The following REN variants were observed in gnomAD, a reference collection of about 807,000 sequenced individuals.
REN encodes the protein renin.
In REN, 42 loss-of-function variants were observed where a neutral mutation model predicts 48.6. The observed-to-expected ratio is 0.86, with a 90% CI of 0.68 to 1.12. The LOEUF (loss-of-function observed/expected upper bound fraction) is 1.12, where lower values mean the gene tolerates loss of function less well. Ranked by LOEUF, REN falls within the 50% of genes most tolerant of loss-of-function variation. The pLI is 0.00. For missense variants in REN, 443 were observed against 527.3 expected (o/e 0.84, Z 1.57); for synonymous variants, 196 against 204.6 (o/e 0.96, Z 0.36).
intron 4 of REN, among the ~76,000 whole-genome samples, chr1:204,160,049 G>A (rs910971847): frequency 9.2e-5 from 14 of 152,166 alleles, no homozygotes; most frequent in African/African-American, 2.7e-4. Flanking sequence ...CAGGTGCCAC[G>A]TGTGCCCCTC....
chr1:204,155,208 C>T (rs756763001), intron 9 of REN, 31 bp from the exon 10 acceptor site: 17 of 1,612,890 alleles, frequency 1.1e-5, no homozygotes, highest in Non-Finnish European at 1.4e-5. Flanking sequence ...TTCTCCATAC[C>T]CAGCACATGA....
chr1:204,165,580 C>T (rs1658328877), intron 1 of REN, among the ~76,000 whole-genome samples: 1 of 150,580 alleles, frequency 6.6e-6, no homozygotes. Flanking sequence ...TTAACTGTAC[C>T]CATGCCCCGA....
intron 1 of REN, among the ~76,000 whole-genome samples, chr1:204,165,942 T>C (rs1413215791): frequency 2.0e-5 from 3 of 152,150 alleles, no homozygotes; most frequent in Non-Finnish European, 2.9e-5. Flanking sequence ...AAGGGGCATG[T>C]CCTAATACTT....
intron 1 of REN, among the ~76,000 whole-genome samples, chr1:204,165,394 G>A (rs11240688): frequency 0.2 from 29,912 of 152,128 alleles, 3,181 homozygotes; most frequent in East Asian, 0.44. Flanking sequence ...CATCAAGTAG[G>A]TACTGTTATT....
Position 204,161,300 on chromosome 1 carries a change from G to C in REN, c.365C>G (p.Thr122Ser). Residue 122 changes from threonine to serine, a missense_variant, in exon 3 of 10, where the codon ACT (threonine) becomes AGT (serine). Coordinates refer to ENST00000272190, the MANE Select transcript of REN (RefSeq NM_000537.4). ...VPSSKCSRLYTACVYHKLFDA... is the reference protein window; with the variant it reads ...VPSSKCSRLYSACVYHKLFDA... ...TGGGTCTTAGGTCTCACCACAGGCA[G>C]TGTAGAGACGGCTGCACTTGGAGGA... The C allele has an allele frequency of 6.2e-7, 1 of 1,606,320 alleles. No individual in the cohort carries two copies. Among genetic ancestry groups the C allele is most frequent in the Non-Finnish European group, 8.5e-7 (1 of 1,176,354 alleles).
chr1:204,160,805 GC>G, intron 3 of REN, 127 bp from the exon 4 acceptor site: 1 of 783,110 alleles, frequency 1.3e-6, no homozygotes, highest in Non-Finnish European at 2.3e-6. Context: ...GGGTCAGGGG[GC>G]TTGGAATATG....
intron 1 of REN, among the ~76,000 whole-genome samples, 165 bp from the exon 2 acceptor site, chr1:204,162,328 G>A (rs1456963316): frequency 6.6e-6 from 1 of 152,214 alleles, no homozygotes; most frequent in Non-Finnish European, 1.5e-5. Flanking sequence ...ATTTATAAGA[G>A]TTACTTCTTG....
At position 204,161,344 on chromosome 1, in the gene REN, C is replaced by T. The variant is rs371626384; in HGVS notation, c.321G>A (p.Ser107=). The T allele has an allele frequency of 6.3e-5, 102 of 1,608,754 alleles. No individual in the cohort carries two copies. In the Middle Eastern group the frequency reaches 6.6e-4, roughly 10 times the overall value. The change falls in exon 3 of 10, where the codon TCG becomes TCA. Residue 107 remains serine (S), a synonymous_variant. Transcript: ENST00000272190. ...QTFKVVFDTG[S]SNVWVPSSKC... ...TGGAGGAGGGCACCCAAACATTGGA[C>T]GAACCAGTGTCAAAGACGACTTTGA...
intron 1 of REN, among the ~76,000 whole-genome samples, chr1:204,163,483 G>GC (rs1442661277): frequency 2.0e-5 from 3 of 152,178 alleles, no homozygotes; most frequent in Non-Finnish European, 4.4e-5. Context: ...CAGAGGTTTG[G>GC]CCCCAAAGAG....
chr1:204,165,587 C>T (rs1023594313), intron 1 of REN, among the ~76,000 whole-genome samples: 13 of 149,518 alleles, frequency 8.7e-5, no homozygotes, highest in Admixed American at 7.3e-4. Flanking sequence ...TACCCATGCC[C>T]CGACCCCCGT....
At position 204,160,801 on chromosome 1, in the gene REN, G is replaced by A. The variant is rs926525782; in HGVS notation, c.374-123C>T. 62 of 789,486 alleles carry A rather than the reference G, an allele frequency of 7.9e-5. No individual in the cohort carries two copies. In the African/African-American group the frequency reaches 9.9e-4, roughly 13 times the overall value. The allele number at this position is 789,486 out of a possible 1,614,324, so 48.9% of individuals were successfully genotyped here. A position where few individuals can be genotyped will look rare whatever the true frequency, so the allele number is the denominator to read the frequency against. On this transcript the variant is annotated intron_variant, in intron 3 of 9. Transcript: ENST00000272190. The stretch of plus-strand genomic sequence containing the variant: ...GCAGGGATGAGTGGCCCTAGGGTCA[G>A]GGGGCTTGGAATATGTGCTTCATCA...
intron 5 of REN, among the ~76,000 whole-genome samples, chr1:204,157,721 G>A (rs1658173617): frequency 6.6e-6 from 1 of 152,246 alleles, no homozygotes; most frequent in Non-Finnish European, 1.5e-5. Context: ...GCATGGGTGT[G>A]TAGGTGTGCA....
chr1:204,160,524 G>A (rs912481788), intron 4 of REN, 36 bp downstream of exon 4: 1 of 1,400,866 alleles, frequency 7.1e-7, no homozygotes, highest in African/African-American at 1.4e-5. Flanking sequence ...GGACAGAAGG[G>A]GTCCGGGGCA....
chr1:204,161,536 CG>C (rs753211967), intron 2 of REN, 121 bp from the exon 3 acceptor site: 77 of 969,060 alleles, frequency 7.9e-5, no homozygotes, highest in Non-Finnish European at 1.1e-4. Flanking sequence ...TATAGCCTCT[CG>C]GGGTTTCCAT....
rs1381119367 is a variant in REN at position 204,159,471 on chromosome 1, A to T, written c.617T>A (p.Val206Asp). The change falls in exon 5 of 10, where the codon GTC becomes GAC. Residue 206 changes from valine to aspartate, a missense_variant. Coordinates refer to ENST00000272190, the MANE Select transcript of REN (RefSeq NM_000537.4). ...MGFIEQAIGR[V>D]TPIFDNIISQ... ...GATGATGTTGTCGAAGATAGGGGTG[A>T]CCCTGCCAATGGCCTGTTCAATGAA... The T allele has an allele frequency of 6.2e-7, 1 of 1,613,962 alleles. No individual in the cohort carries two copies.
At chr1:204,159,354 C>G in intron 5 of REN, 45 bp downstream of exon 5, 2 of 1,564,676 alleles carry the variant, frequency 1.3e-6, no homozygotes, top group South Asian at 2.2e-5. Flanking sequence ...CATCTCTTCT[C>G]CCCTCCTGTC....
At chr1:204,164,007 A>C (rs1476720851) in intron 1 of REN, among the ~76,000 whole-genome samples, 1 of 152,226 alleles carries the variant, frequency 6.6e-6, no homozygotes, top group Non-Finnish European at 1.5e-5. Flanking sequence ...TCATTCATTC[A>C]GCTGTCCCAA....
chr1:204,165,758 A>G (rs1362252409), intron 1 of REN, among the ~76,000 whole-genome samples: 2 of 151,884 alleles, frequency 1.3e-5, no homozygotes, highest in East Asian at 3.9e-4. Context: ...TGCCCGGCTA[A>G]TTTTTGTATT....
chr1:204,155,686 C>A, intron 9 of REN, 134 bp downstream of exon 9: 1 of 750,514 alleles, frequency 1.3e-6, no homozygotes, highest in Non-Finnish European at 2.3e-6. Flanking sequence ...TTTTTCAAAG[C>A]TCTCCAGGTG....
Sources: allele counts gnomAD v4.1 joint callset (sites outside exome capture counted in the v4.1 genomes callset), GRCh38; gene constraint gnomAD v4.1.1; transcripts MANE v1.5; gene names NCBI Gene and HGNC (gene_info 2026-07-23, HGNC 2026-07-21).